Variants in EFR3A observed in about 807,000 individuals in gnomAD.
EFR3A encodes EFR3 homolog A.
EFR3A carries 76 observed loss-of-function variants against 104.4 expected under a neutral mutation model. The observed-to-expected ratio is 0.73, with a 90% CI of 0.60 to 0.88. The LOEUF (loss-of-function observed/expected upper bound fraction) is 0.88. EFR3A is among the 40% of genes least tolerant of loss of function. The pLI is 0.00. For missense variants in EFR3A, 985 were observed against 1,012.5 expected (o/e 0.97, Z 0.37); for synonymous variants, 330 against 330.0 (o/e 1.00, Z 0.00).
chr8:131,959,488 A>C (rs1212371397), intron 7 of EFR3A, 97 bp from the exon 8 acceptor site: 2 of 884,822 alleles, frequency 2.3e-6, no homozygotes, highest in African/African-American at 3.4e-5. Flanking sequence ...TCTTTTAGGT[A>C]ATATTCTCAC....
chr8:132,006,688 C>T (rs1352823333), intron 22 of EFR3A, among the ~76,000 whole-genome samples: 1 of 151,968 alleles, frequency 6.6e-6, no homozygotes, highest in Admixed American at 6.6e-5. Flanking sequence ...ATAACTTCAA[C>T]ACTTAAATGA....
intron 6 of EFR3A, among the ~76,000 whole-genome samples, chr8:131,954,323 TC>T (rs1586595914): frequency 2.0e-5 from 3 of 152,036 alleles, no homozygotes; most frequent in Non-Finnish European, 4.4e-5. Context: ...ATATAAAAGA[TC>T]CAGCATACTT....
intron 18 of EFR3A, among the ~76,000 whole-genome samples, chr8:131,992,885 T>A (rs979155707): frequency 6.6e-6 from 1 of 152,096 alleles, no homozygotes; most frequent in Non-Finnish European, 1.5e-5. Flanking sequence ...GGGCATGGCT[T>A]GGGAAGTTAT....
intron 1 of EFR3A, among the ~76,000 whole-genome samples, chr8:131,938,859 A>G (rs946193928): frequency 3.9e-5 from 6 of 152,118 alleles, no homozygotes; most frequent in Admixed American, 2.6e-4. Context: ...GGAGATGATC[A>G]TAACCCTCAG....
At chr8:131,919,364 G>A (rs1158280188) in intron 1 of EFR3A, among the ~76,000 whole-genome samples, 3 of 152,000 alleles carry the variant, frequency 2.0e-5, no homozygotes, top group Non-Finnish European at 2.9e-5. Flanking sequence ...TTGGGCGGTC[G>A]AGGCGGGTGG....
At chr8:131,918,833 A>AT (rs1470973417) in intron 1 of EFR3A, among the ~76,000 whole-genome samples, 2 of 152,330 alleles carry the variant, frequency 1.3e-5, no homozygotes, top group African/African-American at 2.4e-5. Flanking sequence ...TTTTTAAAAA[A>AT]TTTAAGTAGT....
intron 8 of EFR3A, among the ~76,000 whole-genome samples, chr8:131,967,317 G>A (rs1177391482): frequency 1.3e-5 from 2 of 152,048 alleles, no homozygotes. Flanking sequence ...GATAGAGAAG[G>A]AGGGGAACTT....
chr8:131,939,482 A>G (rs1407104052), intron 1 of EFR3A, among the ~76,000 whole-genome samples: 3 of 152,320 alleles, frequency 2.0e-5, no homozygotes, highest in Middle Eastern at 3.4e-3. Context: ...AGCAGTGTAT[A>G]GTGTATAACA....
chr8:131,968,206 T>A lies in EFR3A; in HGVS notation c.856-89T>A, dbSNP rs1819860209. 2.3e-6 allele frequency: 3 copies of A among 1,288,400 alleles called. No individual in the cohort carries two copies. In the African/African-American group the frequency reaches 4.5e-5, roughly 19 times the overall value. 79.8% of individuals were successfully genotyped at this position (1,288,400 alleles called of 1,614,324 possible). The stretch of plus-strand genomic sequence containing the variant: ...TGACCACCAGTCACTAATTGGTCAT[T>A]TACGTGTCAGGTGTTTTTTTTATTC... On this transcript the variant is annotated intron_variant, in intron 8 of 22. Transcript: ENST00000254624.
chr8:131,910,398 A>G (rs1176254794), intron 1 of EFR3A, among the ~76,000 whole-genome samples: 4 of 152,146 alleles, frequency 2.6e-5, no homozygotes, highest in Non-Finnish European at 5.9e-5. Context: ...CGGCCTCCCG[A>G]GTAGCTGGGA....
intron 1 of EFR3A, chr8:131,938,293 G>GAAGT: frequency 2.5e-6 from 1 of 397,768 alleles, no homozygotes; most frequent in Non-Finnish European, 4.4e-6. Context: ...CAACAAGGGA[G>GAAGT]TCACCTACAT....
In EFR3A at chr8:131,919,791, T is replaced by A. The variant is rs149450996; in HGVS notation, c.10+15469T>A. 1.1e-3 allele frequency among the ~76,000 whole-genome samples: 162 copies of A among 151,732 alleles called. No homozygotes were observed. The Middle Eastern group carries it at 0.014, about 13-fold the overall frequency. ...ACTTTAGTAAGTATTAGGAGACTTG[T>A]GAAAACGAAAGACTCTGAAATCCCA... On this transcript the variant is annotated intron_variant, in intron 1 of 22. Transcript: ENST00000254624.
At chr8:131,961,151 C>T (rs956866275) in intron 8 of EFR3A, among the ~76,000 whole-genome samples, 6 of 152,136 alleles carry the variant, frequency 3.9e-5, no homozygotes, top group African/African-American at 1.2e-4. Context: ...AAAATCAGAG[C>T]GCCTCTCCTC....
intron 22 of EFR3A, among the ~76,000 whole-genome samples, chr8:132,004,996 T>A (rs922555516): frequency 6.6e-6 from 1 of 152,232 alleles, no homozygotes; most frequent in African/African-American, 2.4e-5. Flanking sequence ...CTACTACTAA[T>A]ACTTACATTC....
At chr8:132,006,275 A>T (rs1403331829) in intron 22 of EFR3A, among the ~76,000 whole-genome samples, 2 of 152,086 alleles carry the variant, frequency 1.3e-5, no homozygotes, top group Non-Finnish European at 2.9e-5. Flanking sequence ...ACAAACCTAA[A>T]AGTTTGTTCT....
At chr8:131,979,106 T>C in intron 13 of EFR3A, 87 bp downstream of exon 13, 3 of 1,321,010 alleles carry the variant, frequency 2.3e-6, no homozygotes, top group Admixed American at 2.4e-5. Flanking sequence ...TTTAAAAATC[T>C]AGCATGTTCA....
intron 1 of EFR3A, among the ~76,000 whole-genome samples, chr8:131,923,209 G>A (rs967382978): frequency 1.3e-5 from 2 of 152,078 alleles, no homozygotes; most frequent in Admixed American, 6.6e-5. Context: ...TCGTTATTTC[G>A]GCAAAGTATT....
chr8:131,980,224 G>A (rs1467050992), intron 14 of EFR3A, among the ~76,000 whole-genome samples: 1 of 151,986 alleles, frequency 6.6e-6, no homozygotes, highest in African/African-American at 2.4e-5. Flanking sequence ...CTCTTTACTA[G>A]ACCATGCTTT....
intron 16 of EFR3A, 131 bp from the exon 17 acceptor site, chr8:131,986,063 C>A: frequency 2.2e-6 from 1 of 461,174 alleles, no homozygotes. Context: ...AGCTTAAATT[C>A]AAAAACAAAG....
Sources: allele counts gnomAD v4.1 joint callset (sites outside exome capture counted in the v4.1 genomes callset), GRCh38; gene constraint gnomAD v4.1.1; transcripts MANE v1.5; gene names NCBI Gene and HGNC (gene_info 2026-07-23, HGNC 2026-07-21).